The following KCNQ5 variants were observed in gnomAD, a reference collection of about 807,000 sequenced individuals.
KCNQ5 encodes potassium voltage-gated channel subfamily KQT member 5.
In KCNQ5, 30 loss-of-function variants were observed where a neutral mutation model predicts 98.2. That is an observed-to-expected ratio of 0.31 (90% CI 0.23 to 0.41). KCNQ5 has a LOEUF of 0.41. Ranked by LOEUF, KCNQ5 falls within the 10% of genes least tolerant of loss-of-function variation. The pLI, the probability that KCNQ5 is intolerant of heterozygous loss-of-function variation, is 1.00. For missense variants in KCNQ5, 835 were observed against 1,182.5 expected (o/e 0.71, Z 4.31); for synonymous variants, 458 against 449.4 (o/e 1.02, Z -0.24).
chr6:73,108,203 G>A (rs1775080776), intron 6 of KCNQ5, among the ~76,000 whole-genome samples: 1 of 152,186 alleles, frequency 6.6e-6, no homozygotes, highest in Non-Finnish European at 1.5e-5. Flanking sequence ...CACTTCCCCT[G>A]GTGCCCGCTC....
At chr6:73,117,296 C>T (rs1252981537) in intron 7 of KCNQ5, among the ~76,000 whole-genome samples, 2 of 152,166 alleles carry the variant, frequency 1.3e-5, no homozygotes, top group African/African-American at 2.4e-5. Context: ...TAGAGTGTAA[C>T]GGGCATAGAG....
intron 1 of KCNQ5, among the ~76,000 whole-genome samples, chr6:72,690,126 AG>A (rs1448404631): frequency 6.6e-6 from 1 of 152,068 alleles, no homozygotes; most frequent in African/African-American, 2.4e-5. Flanking sequence ...TATAAAAATT[AG>A]CTGGGTATGA....
intron 1 of KCNQ5, among the ~76,000 whole-genome samples, chr6:72,924,429 C>T (rs1036302340): frequency 6.6e-6 from 1 of 152,154 alleles, no homozygotes; most frequent in Non-Finnish European, 1.5e-5. Flanking sequence ...GAGGTCGTCA[C>T]CTCACACTGA....
intron 1 of KCNQ5, among the ~76,000 whole-genome samples, chr6:72,862,133 A>G (rs1472576401): frequency 1.3e-5 from 2 of 152,054 alleles, no homozygotes; most frequent in Admixed American, 6.6e-5. Flanking sequence ...CCCAATTCCA[A>G]ATTCCTTGGA....
Position 73,195,574 on chromosome 6 carries a change from GT to G in KCNQ5, c.*163del. 1 of 894,686 alleles carries G rather than the reference GT, an allele frequency of 1.1e-6. No individual in the cohort carries two copies. The highest frequency in any genetic ancestry group is 1.7e-6 in the Non-Finnish European group (1 of 602,146). 55.4% of individuals were successfully genotyped at this position (894,686 alleles called of 1,614,324 possible). ...ACCTTTTAATTGCATGAAAATGCAT[GT>G]TTAGGGATGGCTAAAATTCCAAGGT... On this transcript the variant is annotated 3_prime_UTR_variant, in exon 14 of 14. Coordinates refer to ENST00000370398, the MANE Select transcript of KCNQ5 (RefSeq NM_019842.4).
intron 1 of KCNQ5, among the ~76,000 whole-genome samples, chr6:72,899,265 A>G (rs981920489): frequency 6.6e-6 from 1 of 152,178 alleles, no homozygotes; most frequent in African/African-American, 2.4e-5. Flanking sequence ...CTCAAAATTC[A>G]TTTCTAATAA....
chr6:73,077,509 T>C lies in KCNQ5; in HGVS notation c.792+12T>C. The stretch of plus-strand genomic sequence containing the variant: ...ATGCTCACAGCAAGGTAAGATTTGC[T>C]CTCTGAATTTAAAAACACAATTTTT... On this transcript the variant is annotated intron_variant, in intron 4 of 13. Transcript: ENST00000370398. 3 of 1,596,862 alleles carry C rather than the reference T, an allele frequency of 1.9e-6. No homozygotes were observed. The highest frequency in any genetic ancestry group is 2.6e-6 in the Non-Finnish European group (3 of 1,173,512).
chr6:72,626,642 A>G (rs1204655729), intron 1 of KCNQ5, among the ~76,000 whole-genome samples: 1 of 152,234 alleles, frequency 6.6e-6, no homozygotes, highest in African/African-American at 2.4e-5. Context: ...AAATGGAGTC[A>G]ATATGGCCTA....
chr6:72,701,996 TA>T (rs987645695), intron 1 of KCNQ5, among the ~76,000 whole-genome samples: 1 of 151,900 alleles, frequency 6.6e-6, no homozygotes, highest in Non-Finnish European at 1.5e-5. Flanking sequence ...GCCCAGCTAA[TA>T]TTTTTTTTAA....
intron 1 of KCNQ5, among the ~76,000 whole-genome samples, chr6:72,624,648 C>T (rs1161337797): frequency 6.6e-6 from 1 of 152,178 alleles, no homozygotes; most frequent in Non-Finnish European, 1.5e-5. Context: ...CTAGCAGTAT[C>T]TTTAGTAGTA....
intron 8 of KCNQ5, 77 bp downstream of exon 8, chr6:73,120,654 A>G: frequency 1.1e-6 from 1 of 874,786 alleles, no homozygotes; most frequent in East Asian, 2.6e-5. Context: ...CACACACACA[A>G]AAAAAGGTGT....
At chr6:72,831,587 A>G in intron 1 of KCNQ5, among the ~76,000 whole-genome samples, 1 of 116,618 alleles carries the variant, frequency 8.6e-6, no homozygotes. Context: ...CGTGGGATGC[A>G]GGGAGGGGGG....
At chr6:72,664,933 C>T (rs980630263) in intron 1 of KCNQ5, among the ~76,000 whole-genome samples, 20 of 152,090 alleles carry the variant, frequency 1.3e-4, no homozygotes, top group African/African-American at 3.9e-4. Flanking sequence ...ATTGAATTCC[C>T]GATAACAAAG....
rs77382611 is a variant in KCNQ5 at position 73,012,536 on chromosome 6, G to A, written c.489+8538G>A. On this transcript the variant is annotated intron_variant, in intron 2 of 13. Transcript: ENST00000370398. Reference sequence around the variant, plus strand: ...GCATTACAAGAAGAAAAGAGTTAGGGAGATGGGTGGTGGGGATGGTTCTGT... The same window carrying A: ...GCATTACAAGAAGAAAAGAGTTAGGAAGATGGGTGGTGGGGATGGTTCTGT... 1.5e-3 allele frequency among the ~76,000 whole-genome samples: 233 copies of A among 152,168 alleles called. 1 individual carries two copies. Among genetic ancestry groups the A allele is most frequent in the African/African-American group, 5.4e-3 (224 of 41,532 alleles).
At chr6:73,189,701 G>A (rs1765514671) in intron 11 of KCNQ5, among the ~76,000 whole-genome samples, 1 of 152,200 alleles carries the variant, frequency 6.6e-6, no homozygotes, top group East Asian at 1.9e-4. Context: ...GCTTTCATCA[G>A]AAATTGCATC....
intron 1 of KCNQ5, among the ~76,000 whole-genome samples, chr6:72,670,882 A>G (rs554157933): frequency 6.6e-6 from 1 of 152,318 alleles, no homozygotes; most frequent in East Asian, 1.9e-4. Flanking sequence ...TTCTGATCCT[A>G]TAGGTCAGAT....
intron 1 of KCNQ5, among the ~76,000 whole-genome samples, chr6:72,700,694 T>G (rs989285605): frequency 2.0e-5 from 3 of 152,292 alleles, no homozygotes; most frequent in Non-Finnish European, 2.9e-5. Flanking sequence ...CTTATATGCT[T>G]TCTTGAGAGG....
At chr6:73,050,576 ATTTCACCAG>A (rs1562148153) in intron 3 of KCNQ5, among the ~76,000 whole-genome samples, 2 of 152,156 alleles carry the variant, frequency 1.3e-5, no homozygotes, top group Non-Finnish European at 2.9e-5. Flanking sequence ...CTTTATTTGA[ATTTCACCAG>A]TTTTTACATG....
chr6:73,072,098 C>A (rs1466129105), intron 3 of KCNQ5, among the ~76,000 whole-genome samples: 1 of 151,932 alleles, frequency 6.6e-6, no homozygotes, highest in African/African-American at 2.4e-5. Flanking sequence ...TCAGAGAGAA[C>A]AAGATGAAGT....
Sources: gnomAD v4.1 joint callset for allele counts (sites outside exome capture counted in the v4.1 genomes callset) on GRCh38, gnomAD v4.1.1 for gene constraint, MANE v1.5 for transcripts, NCBI Gene and HGNC (gene_info 2026-07-23, HGNC 2026-07-21) for gene names.